SPACA6: variants seen among roughly 807,000 people sequenced by gnomAD.
SPACA6 encodes the protein sperm acrosome associated 6, also known as sperm acrosome membrane-associated protein 6.
For missense variants in SPACA6, 8 were observed against 2.8 expected, an observed-to-expected ratio of 2.88 and a Z score of -1.34; for synonymous variants, 6 against 1.5, an observed-to-expected ratio of 4.05 and a Z score of -2.21.
At chr19:51,706,379 G>A (rs1018026312), downstream of SPACA6, among the ~76,000 whole-genome samples, 2 of 152,074 alleles carry the variant, frequency 1.3e-5, no homozygotes, top group African/African-American at 2.4e-5. Flanking sequence ...AGTCTGCGCG[G>A]CTGGCACTGT....
At chr19:51,701,518 A>C (rs1296226733) in intron 2 of SPACA6, 140 bp from the exon 3 acceptor site, 1 of 385,866 alleles carries the variant, frequency 2.6e-6, no homozygotes, top group Non-Finnish European at 4.6e-6. Context: ...GGGGCCAGGG[A>C]AGGGCAGATA....
intron 4 of SPACA6, 67 bp from the exon 5 acceptor site, chr19:51,702,954 A>T (rs1568619397): frequency 2.5e-6 from 1 of 398,860 alleles, no homozygotes; most frequent in Non-Finnish European, 4.4e-6. Flanking sequence ...CATGGATCTC[A>T]AATGGGCCAA....
downstream of SPACA6, among the ~76,000 whole-genome samples, chr19:51,707,601 C>T (rs1000008875): frequency 6.6e-6 from 1 of 152,130 alleles, no homozygotes; most frequent in Non-Finnish European, 1.5e-5. Flanking sequence ...CCAACCAGTT[C>T]TCCAACTCTC....
chr19:51,694,035 ACTC>A lies in SPACA6; in HGVS notation c.214+296_214+298del, dbSNP rs562496186. ...AAGATGGAGACTCGGAAAGATGGAG[ACTC>A]AGGAGTATGGAGAGTCAGAGAGGGG... On this transcript the variant is annotated intron_variant, in intron 1 of 8. Coordinates refer to ENST00000637797, the MANE Select transcript of SPACA6 (RefSeq NM_001316972.2). The A allele has an allele frequency of 1.9e-3, 540 of 280,172 alleles. 2 individuals carry two copies. Among genetic ancestry groups the A allele is most frequent in the South Asian group, 0.018 (106 of 5,736 alleles). The allele number at this position is 280,172 out of a possible 1,614,324, so 17.4% of individuals were successfully genotyped here.
At chr19:51,689,228 C>A (rs1160319076), upstream of SPACA6, 1 of 152,294 alleles carries the variant, frequency 6.6e-6, no homozygotes, top group Non-Finnish European at 1.5e-5. Context: ...GGAATTTTTT[C>A]CCCTGGACCT....
In SPACA6 at chr19:51,704,166, G is replaced by C. The variant is rs753059862; in HGVS notation, c.710G>C (p.Arg237Pro). ...AAGCAAGACCAGCGCCCCCTGGCCCGGCTCTACTTCTTTCTTAACGGTGGG... is the reference window on the plus strand; with the variant it reads ...AAGCAAGACCAGCGCCCCCTGGCCCCGCTCTACTTCTTTCTTAACGGTGGG... Reference protein sequence around the residue: ...VIKQDQRPLARLYFFLNVTGP... With the variant: ...VIKQDQRPLAPLYFFLNVTGP... The change falls in exon 7 of 9, where the codon CGG (arginine) becomes CCG (proline). Residue 237 changes from arginine to proline, a missense_variant. Coordinates refer to ENST00000637797, the MANE Select transcript of SPACA6 (RefSeq NM_001316972.2). The C allele has an allele frequency of 1.2e-5, 5 of 400,990 alleles. No homozygotes were observed. Among genetic ancestry groups the C allele is most frequent in the African/African-American group, 6.2e-5 (3 of 48,678 alleles). The allele number at this position is 400,990 out of a possible 1,614,324, so 24.8% of individuals were successfully genotyped here.
chr19:51,702,337 C>T (rs951788261), intron 3 of SPACA6, among the ~76,000 whole-genome samples: 2 of 152,090 alleles, frequency 1.3e-5, no homozygotes, highest in African/African-American at 4.8e-5. Context: ...CGGTGGAATA[C>T]ACCTGGATTG....
intron 2 of SPACA6, among the ~76,000 whole-genome samples, chr19:51,694,952 T>G (rs1473257195): frequency 1.3e-5 from 2 of 152,074 alleles, no homozygotes; most frequent in African/African-American, 4.8e-5. Context: ...AGGATGGCCA[T>G]GGAGCTCAGT....
At chr19:51,711,673 G>A (rs2083541977) in intron 2 of SPACA6, among the ~76,000 whole-genome samples, 1 of 152,124 alleles carries the variant, frequency 6.6e-6, no homozygotes, top group African/African-American at 2.4e-5. Flanking sequence ...TAAACACAAT[G>A]CAATATAGCC....
Position 51,693,581 on chromosome 19 carries a change from G to C in SPACA6, c.55G>C (p.Val19Leu). 1 of 437,994 alleles carries C rather than the reference G, an allele frequency of 2.3e-6. No individual in the cohort carries two copies. The highest frequency in any genetic ancestry group is 7.0e-5 in the South Asian group (1 of 14,214). The allele number at this position is 437,994 out of a possible 1,614,324, so 27.1% of individuals were successfully genotyped here. A position where few individuals can be genotyped will look rare whatever the true frequency, so the allele number is the denominator to read the frequency against. Reference protein sequence around the residue: ...AVPSALLALAVFRVPAWACLL... With the variant: ...AVPSALLALALFRVPAWACLL... ...CCCGTCTGCCCTGCTGGCCCTGGCT[G>C]TCTTCAGGGTGCCCGCCTGGGCCTG... The change falls in exon 1 of 9, where the codon GTC becomes CTC. Residue 19 changes from valine (V) to leucine (L), a missense_variant. Coordinates refer to ENST00000637797, the MANE Select transcript of SPACA6 (RefSeq NM_001316972.2).
upstream of SPACA6, chr19:51,689,181 TC>T: frequency 6.6e-6 from 1 of 151,480 alleles, no homozygotes; most frequent in Non-Finnish European, 1.5e-5. Context: ...TGGCCCGGCC[TC>T]CCCCTCCCGC....
downstream of SPACA6, among the ~76,000 whole-genome samples, chr19:51,705,602 C>T (rs369628229): frequency 3.1e-4 from 47 of 152,208 alleles, 2 homozygotes; most frequent in African/African-American, 1.1e-3. Flanking sequence ...CAGTCACCCC[C>T]ACCTCATGTC....
chr19:51,692,686 G>T (rs778987576), upstream of SPACA6: 6 of 533,320 alleles, frequency 1.1e-5, no homozygotes, highest in Admixed American at 9.8e-5. This position sits in a 1 kb window ranked among gnomAD's most constrained non-coding sequence, Gnocchi z 5.6. Context: ...CGTGTCGGGG[G>T]CTCACCATCG....
At chr19:51,700,351 C>T (rs775335238) in intron 2 of SPACA6, among the ~76,000 whole-genome samples, 13 of 152,066 alleles carry the variant, frequency 8.5e-5, no homozygotes, top group African/African-American at 2.7e-4. Flanking sequence ...GAGAAGTGGC[C>T]GGTGTGTGCC....
chr19:51,683,044 A>G, the SPACA6 span, among the ~76,000 whole-genome samples: 1 of 152,234 alleles, frequency 6.6e-6, no homozygotes, highest in African/African-American at 2.4e-5. Context: ...CTCCACCTCA[A>G]AACAAACAAG....
chr19:51,688,741 C>T (rs757372241), upstream of SPACA6, among the ~76,000 whole-genome samples: 1 of 151,290 alleles, frequency 6.6e-6, no homozygotes, highest in Non-Finnish European at 1.5e-5. Context: ...AAATGGGAGA[C>T]ACAGATAATG....
intron 1 of SPACA6, chr19:51,694,198 G>A (rs1395129394): frequency 3.0e-6 from 1 of 333,538 alleles, no homozygotes; most frequent in African/African-American, 2.1e-5. Flanking sequence ...CTCAGAGGGT[G>A]GAAGATGGAG....
chr19:51,700,757 T>C (rs2083462654), intron 2 of SPACA6, among the ~76,000 whole-genome samples: 2 of 152,260 alleles, frequency 1.3e-5, no homozygotes, highest in Non-Finnish European at 1.5e-5. Context: ...ATATATGTAA[T>C]TGCAGACAGA....
intron 2 of SPACA6, chr19:51,711,959 T>G (rs960330489): frequency 3.9e-5 from 6 of 152,096 alleles, no homozygotes; most frequent in African/African-American, 1.4e-4. Context: ...GTTCTAAAAT[T>G]AGATTATGGT....
Sources: allele counts gnomAD v4.1 joint callset (sites outside exome capture counted in the v4.1 genomes callset), GRCh38; gene constraint gnomAD v4.1.1; non-coding constraint Gnocchi (gnomAD v3.1); transcripts MANE v1.5; gene names NCBI Gene and HGNC (gene_info 2026-07-23, HGNC 2026-07-21).